Variants in MAGED1 observed in about 807,000 individuals in gnomAD.
MAGED1 encodes the protein MAGE family member D1.
In MAGED1, 3 loss-of-function variants were observed where a neutral mutation model predicts 54.1. That is an observed-to-expected ratio of 0.06 (90% CI 0.03 to 0.14). MAGED1 has a LOEUF of 0.14. MAGED1 is among the 10% of genes least tolerant of loss of function. The probability of loss-of-function intolerance (pLI) is 1.00; values close to 1 mark genes in which losing one functional copy is unlikely to be tolerated. For missense variants in MAGED1, 485 were observed against 623.4 expected (o/e 0.78, Z 2.36); for synonymous variants, 217 against 227.3 (o/e 0.95, Z 0.41).
intron 5 of MAGED1, 58 bp from the exon 6 acceptor site, chrX:51,897,489 G>A: frequency 1.0e-6 from 1 of 983,773 alleles, no homozygotes; most frequent in Non-Finnish European, 1.4e-6. Context: ...GGCTGGCAAA[G>A]GGACTGCTGC....
intron 1 of MAGED1, 32 bp from the exon 2 acceptor site, chrX:51,894,237 C>A: frequency 1.1e-6 from 1 of 914,703 alleles, no homozygotes; most frequent in Non-Finnish European, 1.6e-6. Flanking sequence ...TATTTGCCCT[C>A]TGTAGTATAA....
intron 1 of MAGED1, among the ~76,000 whole-genome samples, chrX:51,887,732 A>G (rs1357031466): frequency 1.8e-5 from 2 of 110,054 alleles, no homozygotes; most frequent in East Asian, 2.8e-4. Context: ...ACAGACATCA[A>G]TGTAAAAATT....
chrX:51,846,732 A>G (rs1444516211), intron 1 of MAGED1, among the ~76,000 whole-genome samples: 1 of 110,859 alleles, frequency 9.0e-6, no homozygotes, highest in Non-Finnish European at 1.9e-5. Flanking sequence ...GAGAGGGGGA[A>G]GGTACTATAC....
intron 1 of MAGED1, among the ~76,000 whole-genome samples, chrX:51,859,970 G>A (rs1557360498): frequency 9.0e-6 from 1 of 111,236 alleles, no homozygotes; most frequent in African/African-American, 3.3e-5. Context: ...CCTGTGGGTA[G>A]GAGTGTGATG....
rs1602279173 is a variant in MAGED1, at chrX:51,902,188, G to A, written c.*51G>A. 1 of 280,774 alleles carries A rather than the reference G, an allele frequency of 3.6e-6. No individual in the cohort carries two copies. Among genetic ancestry groups the A allele is most frequent in the Non-Finnish European group, 6.3e-6 (1 of 159,837 alleles). The allele number at this position is 280,774 out of a possible 1,213,427, so 23.1% of individuals were successfully genotyped here. ...AGTAGTCTTTCCCCTGTGTGAGGCT[G>A]AAGCCTCAGATTCCTTCTAAACACA... On this transcript the variant is annotated 3_prime_UTR_variant, in exon 13 of 13. Coordinates refer to ENST00000326587, the MANE Select transcript of MAGED1 (RefSeq NM_006986.4).
rs1422163082 is a variant in MAGED1 at position 51,896,811 on chromosome X, T to C, written c.1156T>C (p.Trp386Arg). ...ACCTGGATGGCAGACTCCACCTGGA[T>C]GGCAGACCCCACCGGGCTGGCAGGG... is the stretch of plus-strand genomic sequence containing the variant. ...NPPGWQTPPG[W>R]QTPPGWQGPP... Residue 386 changes from tryptophan to arginine, a missense_variant, in exon 4 of 13, where the codon TGG becomes CGG. This residue lies in a region of MAGED1 where 186 missense variants were observed against 330.3 expected (regional missense o/e 0.56). Coordinates refer to ENST00000326587, the MANE Select transcript of MAGED1 (RefSeq NM_006986.4). The C allele has an allele frequency of 1.7e-6, 2 of 1,206,100 alleles. No homozygotes were observed. The highest frequency in any genetic ancestry group is 2.2e-6 in the Non-Finnish European group (2 of 892,987).
At chrX:51,867,025 A>T (rs1457588840) in intron 1 of MAGED1, among the ~76,000 whole-genome samples, 4 of 112,059 alleles carry the variant, frequency 3.6e-5, no homozygotes, top group African/African-American at 1.3e-4. Context: ...GTTCAGAACC[A>T]ATTGAAATTG....
intron 11 of MAGED1, among the ~76,000 whole-genome samples, chrX:51,901,097 G>A (rs919638826): frequency 3.1e-4 from 35 of 111,980 alleles, no homozygotes; most frequent in African/African-American, 1.1e-3. Context: ...CATTTAAAAT[G>A]TACTCTTTTA....
chrX:51,835,030 T>C (rs1437066706), intron 1 of MAGED1, among the ~76,000 whole-genome samples: 1 of 112,058 alleles, frequency 8.9e-6, no homozygotes, highest in Non-Finnish European at 1.9e-5. Flanking sequence ...TATTCTTGAA[T>C]TTTCTGGAAA....
At chrX:51,877,311 T>C (rs1412298542) in intron 1 of MAGED1, among the ~76,000 whole-genome samples, 3 of 111,315 alleles carry the variant, frequency 2.7e-5, no homozygotes, top group African/African-American at 9.8e-5. Flanking sequence ...ATAATAATAA[T>C]AAATACAGTT....
chrX:51,842,580 G>C (rs1264672089), intron 1 of MAGED1, among the ~76,000 whole-genome samples: 1 of 111,728 alleles, frequency 9.0e-6, no homozygotes, highest in Admixed American at 9.5e-5. Flanking sequence ...AGCTCATACA[G>C]CTGTAGACAC....
intron 1 of MAGED1, among the ~76,000 whole-genome samples, chrX:51,828,861 A>G (rs1213363578): frequency 9.0e-6 from 1 of 111,505 alleles, no homozygotes; most frequent in African/African-American, 3.3e-5. Context: ...TTTAACATGT[A>G]GTCTGTATAA....
intron 11 of MAGED1, 26 bp downstream of exon 11, chrX:51,900,322 G>GATAGGTCAAGGGATGAAGT: frequency 9.0e-7 from 1 of 1,115,698 alleles, no homozygotes; most frequent in Non-Finnish European, 1.2e-6. Flanking sequence ...TTCCAGCATT[G>GATAGGTCAAGGGATGAAGT]ATAGGTCAAG....
chrX:51,835,048 G>A (rs1250957387), intron 1 of MAGED1, among the ~76,000 whole-genome samples: 1 of 111,853 alleles, frequency 8.9e-6, no homozygotes, highest in Admixed American at 9.5e-5. Flanking sequence ...AAAAGTTTGT[G>A]TAGAACTGGT....
chrX:51,826,889 A>G (rs185872165), intron 1 of MAGED1, among the ~76,000 whole-genome samples: 38 of 112,593 alleles, frequency 3.4e-4, no homozygotes, highest in Non-Finnish European at 6.0e-4. Flanking sequence ...TATTTACTCA[A>G]ATGGGTTGAA....
intron 1 of MAGED1, among the ~76,000 whole-genome samples, chrX:51,825,562 A>C (rs1473270386): frequency 1.8e-5 from 2 of 111,953 alleles, no homozygotes; most frequent in Non-Finnish European, 3.8e-5. Flanking sequence ...TTGGATAAAG[A>C]TTTCCTTAAA....
chrX:51,896,639 C>G lies in MAGED1; in HGVS notation c.984C>G (p.Thr328=). The G allele has an allele frequency of 5.0e-6, 6 of 1,212,087 alleles. No homozygotes were observed. The highest frequency in any genetic ancestry group is 6.7e-6 in the Non-Finnish European group (6 of 895,523). The change falls in exon 4 of 13, where the codon ACC becomes ACG. Residue 328 remains threonine (T), a synonymous_variant. Transcript: ENST00000326587. ...GTCAGAGCCCTCCAGCTAGGCAGAC[C>G]CCACCAGCCTGGCAGAACCCAGTCG... ...PARQSPPARQ[T]PPAWQNPVAW...
At chrX:51,889,215 T>G (rs1452035433), upstream of MAGED1, among the ~76,000 whole-genome samples, 7 of 111,916 alleles carry the variant, frequency 6.3e-5, no homozygotes, top group Admixed American at 5.7e-4. Context: ...CACTGTACTA[T>G]CCTCGCAATT....
At chrX:51,804,996 A>G (rs1207629797) in intron 1 of MAGED1, among the ~76,000 whole-genome samples, 1 of 111,905 alleles carries the variant, frequency 8.9e-6, no homozygotes, top group African/African-American at 3.2e-5. Context: ...TGCATACTCA[A>G]ATAACCTGAT....
Sources: allele counts gnomAD v4.1 joint callset (sites outside exome capture counted in the v4.1 genomes callset), GRCh38; gene constraint gnomAD v4.1.1; regional missense constraint gnomAD v4.1.1; transcripts MANE v1.5; gene names NCBI Gene and HGNC (gene_info 2026-07-23, HGNC 2026-07-21).